ZNF804B: variants seen among roughly 807,000 people sequenced by gnomAD.
The protein encoded by ZNF804B is zinc finger protein 804B, also known as zinc finger 804B.
ZNF804B carries 80 observed loss-of-function variants against 101.4 expected under a neutral mutation model. That is an observed-to-expected ratio of 0.79 (90% CI 0.66 to 0.95). The LOEUF (loss-of-function observed/expected upper bound fraction) is 0.95, where lower values mean the gene tolerates loss of function less well. Ranked by LOEUF, ZNF804B falls within the 40% of genes least tolerant of loss-of-function variation. ZNF804B has a pLI of 0.00. For synonymous variants in ZNF804B, 622 were observed against 558.8 expected (o/e 1.11, Z -1.59); for missense variants, 1,673 against 1,561.9 (o/e 1.07, Z -1.20).
chr7:89,335,425 CA>C lies in ZNF804B; in HGVS notation c.2445del (p.Gln815HisfsTer6). ...RERQKLGKNQ[Q>X]QFSGLKSTRI... ...AAGACAAAAACTGGGCAAAAATCAA[CA>C]ACAATTTTCAGGGCTAAAATCTACG... On this transcript the variant is annotated frameshift_variant, in exon 4 of 4. Coordinates refer to ENST00000333190, the MANE Select transcript of ZNF804B (RefSeq NM_181646.5). LOFTEE classifies it high-confidence loss of function. The C allele has an allele frequency of 3.1e-6, 5 of 1,613,788 alleles. No individual in the cohort carries two copies. Among genetic ancestry groups the C allele is most frequent in the Non-Finnish European group, 4.2e-6 (5 of 1,179,886 alleles).
At chr7:88,883,727 G>A (rs2214632) in intron 1 of ZNF804B, among the ~76,000 whole-genome samples, 38,189 of 151,848 alleles carry the variant, frequency 0.25, 5,459 homozygotes, top group East Asian at 0.44. Flanking sequence ...ACAGGAATCC[G>A]TATTTTAAAA....
At chr7:88,945,936 T>G (rs1793121771) in intron 1 of ZNF804B, among the ~76,000 whole-genome samples, 4 of 152,154 alleles carry the variant, frequency 2.6e-5, no homozygotes. Flanking sequence ...TGCACATTGA[T>G]TTTGTATCCT....
chr7:89,277,771 C>G (rs1040696311), intron 2 of ZNF804B, among the ~76,000 whole-genome samples: 1 of 151,738 alleles, frequency 6.6e-6, no homozygotes, highest in Non-Finnish European at 1.5e-5. Flanking sequence ...TGTGTTGGTT[C>G]CAAGTCTTTG....
At chr7:88,871,600 A>G (rs1791823887) in intron 1 of ZNF804B, among the ~76,000 whole-genome samples, 1 of 152,170 alleles carries the variant, frequency 6.6e-6, no homozygotes, top group African/African-American at 2.4e-5. Flanking sequence ...AACATAAAAT[A>G]TATATTTAAA....
chr7:89,031,429 A>G (rs1300410445), intron 1 of ZNF804B, among the ~76,000 whole-genome samples: 3 of 152,002 alleles, frequency 2.0e-5, no homozygotes, highest in Non-Finnish European at 4.4e-5. Context: ...GCTATTTAAG[A>G]ACAGGGAACA....
chr7:89,101,885 C>T (rs1186516724), intron 1 of ZNF804B, among the ~76,000 whole-genome samples: 1 of 151,810 alleles, frequency 6.6e-6, no homozygotes, highest in African/African-American at 2.4e-5. Context: ...TTAGAGTCTC[C>T]AGAGTCTATT....
At chr7:88,965,951 C>T (rs993851276) in intron 1 of ZNF804B, among the ~76,000 whole-genome samples, 2 of 151,296 alleles carry the variant, frequency 1.3e-5, no homozygotes, top group Non-Finnish European at 3.0e-5. Context: ...TTTTTGCAAG[C>T]AAAAAGTCCT....
chr7:89,237,116 A>T (rs980140845), intron 2 of ZNF804B, among the ~76,000 whole-genome samples: 2 of 152,186 alleles, frequency 1.3e-5, no homozygotes, highest in African/African-American at 2.4e-5. Flanking sequence ...AGAAAAAAAA[A>T]TTGTGAAGAA....
intron 1 of ZNF804B, among the ~76,000 whole-genome samples, chr7:89,191,378 A>T (rs1196665308): frequency 6.6e-6 from 1 of 152,136 alleles, no homozygotes; most frequent in African/African-American, 2.4e-5. Flanking sequence ...ATTGTTGATT[A>T]GCTCAGCAGC....
At chr7:88,849,377 G>C (rs961055440) in intron 1 of ZNF804B, among the ~76,000 whole-genome samples, 10 of 151,756 alleles carry the variant, frequency 6.6e-5, no homozygotes, top group African/African-American at 2.4e-4. Context: ...AGGAATTGAA[G>C]ATTAAGAAAA....
chr7:89,048,426 C>T (rs1458117860), intron 1 of ZNF804B, among the ~76,000 whole-genome samples: 3 of 151,886 alleles, frequency 2.0e-5, no homozygotes, highest in Non-Finnish European at 4.4e-5. Flanking sequence ...GGGTCTGTAA[C>T]CTCCTATCTA....
At chr7:88,819,854 A>G (rs1790948250) in intron 1 of ZNF804B, among the ~76,000 whole-genome samples, 1 of 152,194 alleles carries the variant, frequency 6.6e-6, no homozygotes, top group African/African-American at 2.4e-5. Flanking sequence ...CATTTATTGA[A>G]GATTCCTCAA....
chr7:89,020,934 CA>C (rs2116214391), intron 1 of ZNF804B, among the ~76,000 whole-genome samples: 1 of 152,122 alleles, frequency 6.6e-6, no homozygotes, highest in African/African-American at 2.4e-5. Flanking sequence ...ATTATTTTGA[CA>C]TTTTTTTCCT....
intron 1 of ZNF804B, among the ~76,000 whole-genome samples, chr7:89,134,558 T>C (rs1790602038): frequency 6.6e-6 from 1 of 152,080 alleles, no homozygotes; most frequent in African/African-American, 2.4e-5. Context: ...TACCTCTTCA[T>C]GCATAGCTGG....
chr7:89,233,631 C>G (rs1789233187), intron 2 of ZNF804B, among the ~76,000 whole-genome samples: 2 of 151,658 alleles, frequency 1.3e-5, no homozygotes, highest in South Asian at 4.1e-4. Context: ...AGAGAGCTAA[C>G]TTTTTTTCTT....
At chr7:89,105,045 C>T (rs562994642) in intron 1 of ZNF804B, among the ~76,000 whole-genome samples, 11 of 152,200 alleles carry the variant, frequency 7.2e-5, no homozygotes, top group South Asian at 2.1e-4. Context: ...TGGAACAATT[C>T]GCTTAAACTA....
chr7:89,001,208 T>C (rs1788282719), intron 1 of ZNF804B, among the ~76,000 whole-genome samples: 1 of 150,218 alleles, frequency 6.7e-6, no homozygotes, highest in Admixed American at 6.7e-5. Context: ...TGTAAAGTGT[T>C]CTCACCACAA....
In ZNF804B at chr7:89,103,063, T is replaced by TG. The variant is rs1173349882; in HGVS notation, c.109-115092_109-115091insG. On this transcript the variant is annotated intron_variant, in intron 1 of 3. Coordinates refer to ENST00000333190, the MANE Select transcript of ZNF804B (RefSeq NM_181646.5). ...CTATGTGTCTGTTTTTTTTTTTTTT[T>TG]TTTTTTTTTTTTTTTTTTTTACCAA... Among the ~76,000 whole-genome samples, 365 of 134,058 alleles carry TG rather than the reference T, an allele frequency of 2.7e-3. 5 individuals are homozygous for TG. Among genetic ancestry groups the TG allele is most frequent in the African/African-American group, 0.01 (345 of 32,940 alleles). The allele number at this position is 134,058 out of a possible 152,430, so 87.9% of individuals were successfully genotyped here.
chr7:89,228,361 C>A (rs1401386372), intron 2 of ZNF804B, among the ~76,000 whole-genome samples: 1 of 152,092 alleles, frequency 6.6e-6, no homozygotes, highest in Admixed American at 6.5e-5. Flanking sequence ...TTATCTGGCC[C>A]CACCCACATC....
Sources: gnomAD v4.1 joint callset for allele counts (sites outside exome capture counted in the v4.1 genomes callset) on GRCh38, gnomAD v4.1.1 for gene constraint, MANE v1.5 for transcripts, NCBI Gene and HGNC (gene_info 2026-07-23, HGNC 2026-07-21) for gene names.